DCDC1: variants seen among roughly 807,000 people sequenced by gnomAD.
DCDC1 encodes the protein doublecortin domain containing 1, also known as doublecortin domain-containing protein 1.
Under a neutral mutation model 178.3 loss-of-function variants are expected in DCDC1, and 200 were observed. The ratio of observed to expected loss-of-function variants is 1.12; its 90% CI spans 1.00 to 1.26. The LOEUF (loss-of-function observed/expected upper bound fraction) is 1.26, where lower values mean the gene tolerates loss of function less well. DCDC1 is among the 50% of genes most tolerant of loss of function. DCDC1 has a pLI of 0.00. For missense variants in DCDC1, 1,983 were observed against 1,749.2 expected (o/e 1.13, Z -2.38); for synonymous variants, 690 against 604.8 (o/e 1.14, Z -2.07).
intron 20 of DCDC1, among the ~76,000 whole-genome samples, chr11:30,993,703 CAA>C (rs1204283802): frequency 6.6e-6 from 1 of 151,804 alleles, no homozygotes. Context: ...ATATATATGA[CAA>C]ATTAAAATAT....
intron 20 of DCDC1, among the ~76,000 whole-genome samples, chr11:31,012,797 A>G (rs1047388434): frequency 6.6e-6 from 1 of 152,182 alleles, no homozygotes; most frequent in Non-Finnish European, 1.5e-5. Flanking sequence ...ACAAAATAGT[A>G]TGTTAGCAGG....
intron 20 of DCDC1, among the ~76,000 whole-genome samples, chr11:31,050,541 C>T (rs1004684877): frequency 6.6e-6 from 1 of 152,176 alleles, no homozygotes; most frequent in Non-Finnish European, 1.5e-5. Flanking sequence ...TGGCAGGAGG[C>T]CAACCAGCAC....
intron 9 of DCDC1, among the ~76,000 whole-genome samples, chr11:31,234,366 G>A (rs930927903): frequency 6.6e-6 from 1 of 152,148 alleles, no homozygotes; most frequent in African/African-American, 2.4e-5. Context: ...TCAGAAGTTT[G>A]TTGTAAGATT....
intron 8 of DCDC1, among the ~76,000 whole-genome samples, chr11:31,248,227 G>T (rs1460757699): frequency 6.6e-6 from 1 of 151,924 alleles, no homozygotes; most frequent in Non-Finnish European, 1.5e-5. Context: ...GAGAGTATTT[G>T]TATTTATATT....
intron 9 of DCDC1, among the ~76,000 whole-genome samples, chr11:31,149,375 C>T (rs1280262057): frequency 1.3e-5 from 2 of 152,062 alleles, no homozygotes; most frequent in East Asian, 3.9e-4. Flanking sequence ...CACCAATCAG[C>T]ACTCTATAAA....
At chr11:31,297,200 G>A (rs1947751370) in intron 6 of DCDC1, among the ~76,000 whole-genome samples, 2 of 152,258 alleles carry the variant, frequency 1.3e-5, no homozygotes, top group African/African-American at 4.8e-5. Flanking sequence ...GCCCTGGCGA[G>A]GAAGAGGCTA....
At chr11:31,023,262 T>A (rs565498410) in intron 20 of DCDC1, among the ~76,000 whole-genome samples, 1 of 152,226 alleles carries the variant, frequency 6.6e-6, no homozygotes, top group East Asian at 1.9e-4. Context: ...TACATGCATA[T>A]ATCCATGTGT....
intron 3 of DCDC1, among the ~76,000 whole-genome samples, chr11:31,316,046 A>AC (rs755078410): frequency 1.3e-5 from 1 of 75,612 alleles, no homozygotes; most frequent in Non-Finnish European, 2.5e-5. Flanking sequence ...TTCTTAATCC[A>AC]TCTATCATTG....
chr11:31,188,590 T>C (rs1465145589), intron 9 of DCDC1, among the ~76,000 whole-genome samples: 1 of 152,188 alleles, frequency 6.6e-6, no homozygotes, highest in Non-Finnish European at 1.5e-5. Flanking sequence ...AGCTGTATTA[T>C]CATATAGCCC....
chr11:31,311,928 C>A (rs1321241506), intron 3 of DCDC1, among the ~76,000 whole-genome samples: 2 of 152,146 alleles, frequency 1.3e-5, no homozygotes, highest in African/African-American at 4.8e-5. Flanking sequence ...CTGCCACGAC[C>A]AGTCACAAGA....
At chr11:30,961,087 A>G (rs1347879952) in intron 20 of DCDC1, among the ~76,000 whole-genome samples, 2 of 152,150 alleles carry the variant, frequency 1.3e-5, no homozygotes, top group Non-Finnish European at 2.9e-5. Flanking sequence ...CAGATCCACC[A>G]CAATGCTTTA....
At chr11:31,025,607 T>G (rs1388666109) in intron 20 of DCDC1, among the ~76,000 whole-genome samples, 1 of 151,822 alleles carries the variant, frequency 6.6e-6, no homozygotes, top group Non-Finnish European at 1.5e-5. Context: ...ATGCTTAATG[T>G]GACTTTTTCT....
At chr11:31,313,803 CAAAAACAAAAACA>C (rs1948906658) in intron 3 of DCDC1, among the ~76,000 whole-genome samples, 1 of 152,056 alleles carries the variant, frequency 6.6e-6, no homozygotes. Context: ...TGTCCAAAGA[CAAAAACAAAAACA>C]AAAAACAAAA....
At chr11:31,096,919 G>T (rs1365748605) in intron 15 of DCDC1, among the ~76,000 whole-genome samples, 2 of 152,220 alleles carry the variant, frequency 1.3e-5, no homozygotes, top group Admixed American at 1.3e-4. Context: ...GTATGTGTGT[G>T]TGTGTGTGTG....
At chr11:31,307,048 A>ACAAATT (rs1948508107) in intron 4 of DCDC1, among the ~76,000 whole-genome samples, 2 of 152,166 alleles carry the variant, frequency 1.3e-5, no homozygotes, top group African/African-American at 4.8e-5. Context: ...TTCTCTAACT[A>ACAAATT]ACCAAGTTAA....
At chr11:31,047,969 C>G in intron 20 of DCDC1, among the ~76,000 whole-genome samples, 1 of 152,114 alleles carries the variant, frequency 6.6e-6, no homozygotes, top group East Asian at 1.9e-4. Context: ...TTATTATTGT[C>G]ATACAAGCTG....
intron 3 of DCDC1, among the ~76,000 whole-genome samples, chr11:31,326,370 C>A (rs1197475520): frequency 2.3e-5 from 3 of 133,280 alleles, no homozygotes; most frequent in African/African-American, 7.6e-5. Flanking sequence ...TTAGCTTTAC[C>A]ATAAAAAAAA....
intron 9 of DCDC1, among the ~76,000 whole-genome samples, chr11:31,154,153 C>T (rs1160264895): frequency 6.6e-6 from 1 of 152,176 alleles, no homozygotes; most frequent in African/African-American, 2.4e-5. Flanking sequence ...TGCCTGCTTC[C>T]CCTTCACCTT....
intron 20 of DCDC1, among the ~76,000 whole-genome samples, chr11:31,021,053 T>G (rs1952843379): frequency 6.6e-6 from 1 of 152,338 alleles, no homozygotes; most frequent in East Asian, 1.9e-4. Context: ...TCTTGCCAAT[T>G]GGCAAAGGTT....
Sources: gnomAD v4.1 joint callset for allele counts (sites outside exome capture counted in the v4.1 genomes callset) on GRCh38, gnomAD v4.1.1 for gene constraint, MANE v1.5 for transcripts, NCBI Gene and HGNC (gene_info 2026-07-23, HGNC 2026-07-21) for gene names.